ACAP2: variants seen among roughly 807,000 people sequenced by gnomAD.
ACAP2 encodes the protein arf-GAP with coiled-coil, ANK repeat and PH domain-containing protein 2.
In ACAP2, 39 loss-of-function variants were observed where a neutral mutation model predicts 115.8. The ratio of observed to expected loss-of-function variants is 0.34; its 90% CI spans 0.26 to 0.44. ACAP2 has a LOEUF of 0.44. ACAP2 is among the 20% of genes least tolerant of loss of function. The pLI is 1.00. For synonymous variants in ACAP2, 289 were observed against 315.8 expected, an observed-to-expected ratio of 0.92 and a Z score of 0.90; for missense variants, 662 against 927.6, an observed-to-expected ratio of 0.71 and a Z score of 3.72.
intron 6 of ACAP2, among the ~76,000 whole-genome samples, chr3:195,341,801 T>C (rs994487661): frequency 6.6e-6 from 1 of 152,152 alleles, no homozygotes; most frequent in Non-Finnish European, 1.5e-5. Context: ...ATTTTCCCTA[T>C]TGTCAGTAAA....
intron 1 of ACAP2, among the ~76,000 whole-genome samples, chr3:195,435,728 A>T (rs1203255349): frequency 6.6e-6 from 1 of 152,098 alleles, no homozygotes; most frequent in Non-Finnish European, 1.5e-5. Flanking sequence ...TATGATTTCA[A>T]TACTTTAAAA....
chr3:195,428,202 T>C (rs187158645), intron 1 of ACAP2, among the ~76,000 whole-genome samples: 108 of 151,296 alleles, frequency 7.1e-4, no homozygotes, highest in African/African-American at 2.5e-3. Flanking sequence ...CATGTATACA[T>C]ATATAGTCAT....
chr3:195,281,829 G>A (rs895941511), intron 22 of ACAP2, among the ~76,000 whole-genome samples: 1 of 152,136 alleles, frequency 6.6e-6, no homozygotes, highest in East Asian at 1.9e-4. Context: ...CTAATTTGCA[G>A]ATGTTGAATT....
intron 1 of ACAP2, among the ~76,000 whole-genome samples, chr3:195,398,637 C>CTAAATAAA (rs55788907): frequency 0.1 from 14,939 of 142,710 alleles, 921 homozygotes; most frequent in East Asian, 0.2. Context: ...AACTCCAACT[C>CTAAATAAA]TAAATAAATA....
chr3:195,412,735 A>G, intron 1 of ACAP2: 1 of 255,580 alleles, frequency 3.9e-6, no homozygotes, highest in Non-Finnish European at 7.5e-6. Flanking sequence ...GAAGATAACA[A>G]ATTAAAACCG....
rs775509285 is a variant in ACAP2, at chr3:195,294,766, C to T, written c.1718G>A (p.Arg573Lys). The T allele has an allele frequency of 6.2e-7, 1 of 1,610,788 alleles. No individual in the cohort carries two copies. The highest frequency in any genetic ancestry group is 1.1e-5 in the South Asian group (1 of 90,962). ...SGIQQSSDDG[R>K]ESLPSTVSAN... Reference sequence around the variant, plus strand: ...TGACACCGTGGAGGGTAAAGATTCTCTTCCATCATCAGAGCTCTGCTGAAT... The same window carrying T: ...TGACACCGTGGAGGGTAAAGATTCTTTTCCATCATCAGAGCTCTGCTGAAT... Residue 573 changes from arginine (R) to lysine (K), a missense_variant, in exon 18 of 23, where the codon AGA (arginine) becomes AAA (lysine). This residue lies in a region of ACAP2 where 133 missense variants were observed against 123.1 expected (regional missense o/e 1.08). Coordinates refer to ENST00000326793, the MANE Select transcript of ACAP2 (RefSeq NM_012287.6).
rs1323732359 is a variant in ACAP2 at position 195,302,059 on chromosome 3, T to C, written c.1232A>G (p.Asn411Ser). 2 of 1,614,050 alleles carry C rather than the reference T, an allele frequency of 1.2e-6. No individual in the cohort carries two copies. The highest frequency in any genetic ancestry group is 1.3e-5 in the African/African-American group (1 of 74,938). ...ALQRVQCIPG[N>S]ASCCDCGLAD... ...CAGGCCACAGTCACAACAGCTGGCA[T>C]TGCCAGGGATACACTGGACCCGCTG... The change falls in exon 14 of 23, where the codon AAT (asparagine) becomes AGT (serine). Residue 411 changes from asparagine (N) to serine (S), a missense_variant. Physicochemically the swap from Asn to Ser is conservative, Grantham distance 46. Coordinates refer to ENST00000326793, the MANE Select transcript of ACAP2 (RefSeq NM_012287.6).
intron 1 of ACAP2, among the ~76,000 whole-genome samples, chr3:195,423,810 G>A (rs1714387180): frequency 6.6e-6 from 1 of 151,772 alleles, no homozygotes; most frequent in Non-Finnish European, 1.5e-5. Context: ...ATTTTCATGT[G>A]TCATGAAATT....
chr3:195,404,069 G>A lies in ACAP2; in HGVS notation c.54-11922C>T, dbSNP rs550444000. 4.3e-4 allele frequency among the ~76,000 whole-genome samples: 66 copies of A among 152,224 alleles called. No homozygotes were observed. In the Middle Eastern group the frequency reaches 0.017, roughly 39 times the overall value. On this transcript the variant is annotated intron_variant, in intron 1 of 22. Coordinates refer to ENST00000326793, the MANE Select transcript of ACAP2 (RefSeq NM_012287.6). ...ATAAGAAGAAAACCAGGCCCCGCAC[G>A]GTGGCTCATTCCTATAATCCCAGCT...
At chr3:195,407,361 T>C (rs964629679) in intron 1 of ACAP2, among the ~76,000 whole-genome samples, 1 of 151,474 alleles carries the variant, frequency 6.6e-6, no homozygotes, top group Non-Finnish European at 1.5e-5. Context: ...ATTTTTTAAA[T>C]TAAAAAAAGG....
At chr3:195,349,889 A>G in intron 4 of ACAP2, 2 of 280,248 alleles carry the variant, frequency 7.1e-6, no homozygotes, top group South Asian at 3.7e-5. Flanking sequence ...GGAACAAGCA[A>G]TATCTCATAG....
intron 18 of ACAP2, 75 bp from the exon 19 acceptor site, chr3:195,292,527 G>A (rs966028171): frequency 4.2e-6 from 6 of 1,417,144 alleles, no homozygotes; most frequent in Middle Eastern, 2.0e-4. Context: ...AATAGGTAGA[G>A]TTTCAGTTTT....
At chr3:195,415,481 T>C (rs562197369) in intron 1 of ACAP2, among the ~76,000 whole-genome samples, 41 of 152,092 alleles carry the variant, frequency 2.7e-4, no homozygotes, top group African/African-American at 9.9e-4. Context: ...TTCACCATGT[T>C]GGCCAGGCTG....
intron 5 of ACAP2, among the ~76,000 whole-genome samples, chr3:195,344,624 G>A (rs376734428): frequency 6.6e-6 from 1 of 151,910 alleles, no homozygotes; most frequent in Non-Finnish European, 1.5e-5. Flanking sequence ...AGGTTCAAGC[G>A]ATTCTCCTGC....
At chr3:195,421,671 G>A (rs904148921) in intron 1 of ACAP2, among the ~76,000 whole-genome samples, 1 of 152,226 alleles carries the variant, frequency 6.6e-6, no homozygotes, top group African/African-American at 2.4e-5. Flanking sequence ...ACAATTGTGA[G>A]TGGTGGTTTG....
At chr3:195,355,281 C>CCT in intron 4 of ACAP2, among the ~76,000 whole-genome samples, 1 of 126,842 alleles carries the variant, frequency 7.9e-6, no homozygotes, top group East Asian at 2.2e-4. Flanking sequence ...TCTTTTTCTT[C>CCT]TTTTTTTTTT....
intron 4 of ACAP2, among the ~76,000 whole-genome samples, chr3:195,376,439 C>A (rs944604096): frequency 1.3e-5 from 2 of 151,878 alleles, no homozygotes; most frequent in African/African-American, 4.8e-5. Flanking sequence ...AAACATAATA[C>A]TCCTGAGGAA....
chr3:195,425,445 G>A (rs1359949049), intron 1 of ACAP2, among the ~76,000 whole-genome samples: 1 of 152,178 alleles, frequency 6.6e-6, no homozygotes, highest in East Asian at 1.9e-4. Context: ...CTTATTGGTA[G>A]TAAAAGCCTG....
At position 195,381,916 on chromosome 3, in the gene ACAP2, T is replaced by C. The variant is rs926495940; in HGVS notation, c.218A>G (p.Asp73Gly). The change falls in exon 3 of 23, where the codon GAT becomes GGT. Residue 73 changes from aspartate (D) to glycine (G), a missense_variant. Physicochemically the swap from Asp to Gly is moderately conservative, Grantham distance 94 (BLOSUM62 -1). Coordinates refer to ENST00000326793, the MANE Select transcript of ACAP2 (RefSeq NM_012287.6). ...IRDLAQYSSN[D>G]AVVETSLTKF... ...AGTAATACTAACCTCAACGACAGCA[T>C]CATTACTAGAATACTGAGCCAGGTC... is the stretch of plus-strand genomic sequence containing the variant. 1.2e-6 allele frequency: 2 copies of C among 1,602,262 alleles called. No individual in the cohort carries two copies. The highest frequency in any genetic ancestry group is 1.7e-6 in the Non-Finnish European group (2 of 1,176,890).
Sources: gnomAD v4.1 joint callset for allele counts (sites outside exome capture counted in the v4.1 genomes callset) on GRCh38, gnomAD v4.1.1 for gene constraint, gnomAD v4.1.1 regional missense constraint, MANE v1.5 for transcripts, NCBI Gene and HGNC (gene_info 2026-07-23, HGNC 2026-07-21) for gene names.